The following FREM1 variants were observed in gnomAD, a reference collection of about 807,000 sequenced individuals.
FREM1 encodes the protein FRAS1 related extracellular matrix 1, also known as FRAS1-related extracellular matrix protein 1.
In FREM1, 220 loss-of-function variants were observed where a neutral mutation model predicts 210.1. That is an observed-to-expected ratio of 1.05 (90% CI 0.94 to 1.17). FREM1 has a LOEUF of 1.17. FREM1 is among the 50% of genes most tolerant of loss of function. The pLI is 0.00. For missense variants in FREM1, 3,454 were observed against 2,675.5 expected, an observed-to-expected ratio of 1.29 and a Z score of -6.42; for synonymous variants, 1,189 against 980.2, an observed-to-expected ratio of 1.21 and a Z score of -3.98.
intron 23 of FREM1, among the ~76,000 whole-genome samples, chr9:14,786,896 C>T (rs1032539766): frequency 2.0e-5 from 3 of 152,134 alleles, no homozygotes; most frequent in Admixed American, 6.6e-5. Context: ...AAACACAAAG[C>T]ACCCACGAGA....
intron 2 of FREM1, 38 bp from the exon 3 acceptor site, chr9:14,863,941 A>G (rs1831044177): frequency 7.7e-7 from 1 of 1,291,772 alleles, no homozygotes; most frequent in Non-Finnish European, 1.1e-6. Context: ...ATCTATGAGA[A>G]AATTGGTACA....
chr9:14,883,829 T>C (rs1835264600), intron 1 of FREM1, among the ~76,000 whole-genome samples: 1 of 152,220 alleles, frequency 6.6e-6, no homozygotes, highest in African/African-American at 2.4e-5. Context: ...CTTGCTCTGA[T>C]TGCTAGTATG....
chr9:14,742,138 G>T (rs1841683774), intron 35 of FREM1, among the ~76,000 whole-genome samples: 1 of 152,000 alleles, frequency 6.6e-6, no homozygotes, highest in Admixed American at 6.5e-5. Context: ...TATCTGTATA[G>T]GTGTATATAT....
intron 7 of FREM1, among the ~76,000 whole-genome samples, chr9:14,847,306 T>A (rs532280601): frequency 6.6e-6 from 1 of 151,992 alleles, no homozygotes; most frequent in South Asian, 2.1e-4. Flanking sequence ...TTACTCTTGC[T>A]TTTAGTATAG....
At chr9:14,774,160 T>A in intron 25 of FREM1, 1 of 518,856 alleles carries the variant, frequency 1.9e-6, no homozygotes, top group Non-Finnish European at 3.8e-6. Flanking sequence ...TCATCCAGCA[T>A]CCACTCTATG....
intron 20 of FREM1, among the ~76,000 whole-genome samples, chr9:14,799,541 C>A (rs188239787): frequency 6.6e-6 from 1 of 151,852 alleles, no homozygotes; most frequent in East Asian, 1.9e-4. Flanking sequence ...AAACTGTACA[C>A]AATGATCATA....
At chr9:14,841,139 T>A (rs1476625634) in intron 10 of FREM1, among the ~76,000 whole-genome samples, 1 of 152,190 alleles carries the variant, frequency 6.6e-6, no homozygotes, top group Non-Finnish European at 1.5e-5. Context: ...TATAATTTAA[T>A]CACCACATAT....
Position 14,805,272 on chromosome 9 carries a change from T to G in FREM1, c.3275-120A>C, listed in dbSNP as rs1818160878. On this transcript the variant is annotated intron_variant, in intron 18 of 36. Transcript: ENST00000380880. ...TAATACAAATAAGAGATCATAGCAG[T>G]TGACCTAAGTATCTTGCTATCAAGG... 4 of 529,240 alleles carry G rather than the reference T, an allele frequency of 7.6e-6. No homozygotes were observed. The East Asian group carries it at 1.1e-4, about 15-fold the overall frequency. 32.8% of individuals were successfully genotyped at this position (529,240 alleles called of 1,614,324 possible).
chr9:14,849,071 T>A (rs1827197674), intron 6 of FREM1, among the ~76,000 whole-genome samples: 1 of 152,232 alleles, frequency 6.6e-6, no homozygotes, highest in Admixed American at 6.5e-5. Flanking sequence ...CTTCCCACAT[T>A]CAGTCACTTA....
intron 1 of FREM1, among the ~76,000 whole-genome samples, chr9:14,904,923 C>T (rs1188445503): frequency 6.6e-6 from 1 of 152,132 alleles, no homozygotes; most frequent in Admixed American, 6.5e-5. Context: ...TTCCATCTGC[C>T]ATGAATGCCC....
rs1185696195 is a variant in FREM1, at chr9:14,750,245, A to G, written c.5439T>C (p.Ile1813=). ...CATCTTCCTCTAATCCGTCATAGGT[A>G]ATTGCTATATTCCACATCTTAGTTG... is the stretch of plus-strand genomic sequence containing the variant. ...GMSTKMWNIA[I]TYDGLEEDDE... Residue 1813 remains isoleucine, a synonymous_variant, in exon 30 of 37, where the codon ATT becomes ATC. Coordinates refer to ENST00000380880, the MANE Select transcript of FREM1 (RefSeq NM_001379081.2). The G allele has an allele frequency of 6.2e-7, 1 of 1,612,192 alleles. No individual in the cohort carries two copies. Among genetic ancestry groups the G allele is most frequent in the African/African-American group, 1.3e-5 (1 of 74,890 alleles).
At chr9:14,800,959 C>T (rs185345360) in intron 20 of FREM1, among the ~76,000 whole-genome samples, 1 of 151,960 alleles carries the variant, frequency 6.6e-6, no homozygotes, top group South Asian at 2.1e-4. Flanking sequence ...TGTTTTGATG[C>T]ATGTATACAT....
Position 14,774,463 on chromosome 9 carries a change from G to T in FREM1, c.4857+1326C>A, listed in dbSNP as rs531555943. Among the ~76,000 whole-genome samples, 3 of 150,458 alleles carry T rather than the reference G, an allele frequency of 2.0e-5. No homozygotes were observed. The East Asian group carries it at 5.9e-4, about 30-fold the overall frequency. On this transcript the variant is annotated intron_variant, in intron 25 of 36. Transcript: ENST00000380880. ...AACGTGCCCTGTGTATTTCGGACAT[G>T]CCAGGCCCTAAAATTGCATGAGCCA...
chr9:14,751,046 A>G (rs1381293603), intron 29 of FREM1, among the ~76,000 whole-genome samples: 3 of 152,232 alleles, frequency 2.0e-5, no homozygotes, highest in African/African-American at 7.2e-5. Context: ...TACACAAAAT[A>G]TTAAGACTGC....
intron 13 of FREM1, among the ~76,000 whole-genome samples, chr9:14,822,808 G>C (rs969782792): frequency 5.9e-5 from 9 of 152,168 alleles, no homozygotes; most frequent in African/African-American, 2.2e-4. Flanking sequence ...GCTGCAGTGA[G>C]GGTAAATAAG....
At chr9:14,863,036 A>G (rs1417461813) in intron 3 of FREM1, among the ~76,000 whole-genome samples, 2 of 151,978 alleles carry the variant, frequency 1.3e-5, no homozygotes, top group Non-Finnish European at 2.9e-5. Context: ...GTTTAACTCC[A>G]TAGTTGATTT....
intron 20 of FREM1, among the ~76,000 whole-genome samples, chr9:14,801,316 G>A (rs1326605052): frequency 6.6e-6 from 1 of 152,156 alleles, no homozygotes; most frequent in Non-Finnish European, 1.5e-5. Flanking sequence ...GAATGGTTAA[G>A]TCAAGCTAAT....
At chr9:14,783,239 AC>A (rs1322992240) in intron 24 of FREM1, among the ~76,000 whole-genome samples, 2 of 152,208 alleles carry the variant, frequency 1.3e-5, no homozygotes, top group African/African-American at 2.4e-5. Context: ...CTGACATCTA[AC>A]CAGTGTTTAT....
At chr9:14,876,344 C>A (rs1353643611) in intron 1 of FREM1, among the ~76,000 whole-genome samples, 1 of 152,158 alleles carries the variant, frequency 6.6e-6, no homozygotes, top group African/African-American at 2.4e-5. Flanking sequence ...GTTCGAGCTT[C>A]CTGGCTGCTT....
Sources: gnomAD v4.1 joint callset for allele counts (sites outside exome capture counted in the v4.1 genomes callset) on GRCh38, gnomAD v4.1.1 for gene constraint, MANE v1.5 for transcripts, NCBI Gene and HGNC (gene_info 2026-07-23, HGNC 2026-07-21) for gene names.